WDR18: variants seen among roughly 807,000 people sequenced by gnomAD.
WDR18 encodes the protein WD repeat domain 18, also known as WD repeat-containing protein 18.
Under a neutral mutation model 49.6 loss-of-function variants are expected in WDR18, and 33 were observed. The ratio of observed to expected loss-of-function variants is 0.67; its 90% CI spans 0.50 to 0.89. WDR18 has a LOEUF of 0.89. Ranked by LOEUF, WDR18 falls within the 40% of genes least tolerant of loss-of-function variation. WDR18 has a pLI of 0.00. For synonymous variants in WDR18, 315 were observed against 263.6 expected (o/e 1.19, Z -1.89); for missense variants, 653 against 593.6 (o/e 1.10, Z -1.04).
chr19:989,706 C>G (rs1196399282), intron 2 of WDR18, 56 bp from the exon 3 acceptor site: 6 of 1,602,248 alleles, frequency 3.7e-6, no homozygotes, highest in African/African-American at 1.3e-5. Context: ...CTGCAGCCCC[C>G]CTTTCCTCCC....
intron 2 of WDR18, among the ~76,000 whole-genome samples, chr19:987,828 A>ATTTTTTTTTTTTTTTTTTTTTTTTTTTT: frequency 2.1e-5 from 1 of 47,834 alleles, no homozygotes; most frequent in East Asian, 6.3e-4. Flanking sequence ...AGCCGCCTCC[A>ATTTTTTTTTTTTTTTTTTTTTTTTTTTT]GTTTTTTTTT....
chr19:985,462 G>A (rs979435734), intron 1 of WDR18, among the ~76,000 whole-genome samples: 3 of 152,098 alleles, frequency 2.0e-5, no homozygotes, highest in African/African-American at 7.3e-5. Context: ...GAGCCACCAC[G>A]CCCGGCTGAG....
Position 984,565 on chromosome 19 carries a change from TGCG to T in WDR18, c.210+7_210+9del. ...AGCGCCTGGGAGCTCCAGCGGAAGG[TGCG>T]GCGGTGCGGTCTCGCTGCTGGGGTC... On this transcript the variant is annotated splice_donor_5th_base_variant and intron_variant, in intron 1 of 9. Coordinates refer to ENST00000585809, the MANE Select transcript of WDR18 (RefSeq NM_024100.4). 1 of 1,465,886 alleles carries T rather than the reference TGCG, an allele frequency of 6.8e-7. No individual in the cohort carries two copies. Among genetic ancestry groups the T allele is most frequent in the South Asian group, 1.4e-5 (1 of 73,794 alleles). The allele number at this position is 1,465,886 out of a possible 1,614,324, so 90.8% of individuals were successfully genotyped here.
At chr19:983,819 C>T (rs921613112), upstream of WDR18, among the ~76,000 whole-genome samples, 12 of 151,754 alleles carry the variant, frequency 7.9e-5, no homozygotes, top group African/African-American at 2.9e-4. Context: ...CTGGGAGGAT[C>T]ACTTGAGCTC....
upstream of WDR18, among the ~76,000 whole-genome samples, chr19:983,205 G>A (rs770120330): frequency 3.0e-4 from 46 of 152,204 alleles, no homozygotes; most frequent in Non-Finnish European, 5.7e-4. Context: ...CGGTTTAAGA[G>A]GCCAAGGCCT....
At chr19:984,788 T>C (rs1227432337) in intron 1 of WDR18, among the ~76,000 whole-genome samples, 3 of 85,844 alleles carry the variant, frequency 3.5e-5, no homozygotes, top group Admixed American at 1.4e-4. Flanking sequence ...TGAGCTGCTA[T>C]GGGGGCAGTG....
Position 994,103 on chromosome 19 carries a change from G to T in WDR18, c.1167+15G>T. On this transcript the variant is annotated intron_variant, in intron 9 of 9. Transcript: ENST00000585809. ...CCATGGAGAAGGTGGGCGGGGCCTCGGGAGGGGCGGGGCCTGAGGCTGGGG... is the reference window on the plus strand; with the variant it reads ...CCATGGAGAAGGTGGGCGGGGCCTCTGGAGGGGCGGGGCCTGAGGCTGGGG... The T allele has an allele frequency of 1.9e-6, 3 of 1,551,200 alleles. No individual in the cohort carries two copies. Among genetic ancestry groups the T allele is most frequent in the African/African-American group, 1.4e-5 (1 of 73,542 alleles).
At chr19:984,327 C>T (rs765777707), upstream of WDR18, 1 of 1,563,734 alleles carries the variant, frequency 6.4e-7, no homozygotes, top group East Asian at 2.5e-5. Context: ...CATGATGACG[C>T]ACGTCCGGGG....
rs375901214 is a variant in WDR18, at chr19:991,140, G to A, written c.801G>A (p.Gly267=). 6.6e-5 allele frequency: 104 copies of A among 1,572,892 alleles called. No individual in the cohort carries two copies. In the African/African-American group the frequency reaches 1.2e-3, roughly 18 times the overall value. The change falls in exon 6 of 10, where the codon GGG becomes GGA. Residue 267 remains glycine (G), a synonymous_variant. Transcript: ENST00000585809. ...AGGACGCCGGGAAGGTCTTCAAAGG[G>A]CACAGGTGGGGACGTGGGAACGGGG... The part of the protein sequence containing the change: ...PEQDAGKVFK[G]HRNQVTCLSV...
At chr19:990,816 G>C (rs1402196924) in intron 4 of WDR18, 36 bp from the exon 5 acceptor site, 1 of 1,562,020 alleles carries the variant, frequency 6.4e-7, no homozygotes, top group Non-Finnish European at 8.7e-7. Flanking sequence ...GGTTCCCCCT[G>C]CCGGGCCGAG....
Position 992,876 on chromosome 19 carries a change from C to T in WDR18, c.1098+755C>T, listed in dbSNP as rs188902754. Among the ~76,000 whole-genome samples, 440 of 152,356 alleles carry T rather than the reference C, an allele frequency of 2.9e-3. 2 individuals are homozygous for T. The highest frequency in any genetic ancestry group is 9.5e-3 in the African/African-American group (397 of 41,572). ...GTCTGTGTCCCTCGCTGGGCTCTGG[C>T]GCTTGGCACTTCTCCCCACGCGCCC... On this transcript the variant is annotated intron_variant, in intron 8 of 9. Transcript: ENST00000585809.
chr19:984,684 CCGTT>C (rs1370154967), intron 1 of WDR18, 121 bp downstream of exon 1: 3 of 1,084,146 alleles, frequency 2.8e-6, no homozygotes, highest in Non-Finnish European at 3.7e-6. Context: ...GAGGTGGTCT[CCGTT>C]CGGGCGCTCT....
chr19:983,971 G>GCGCTCTC (rs2038445722), upstream of WDR18, among the ~76,000 whole-genome samples: 1 of 152,188 alleles, frequency 6.6e-6, no homozygotes, highest in Admixed American at 6.5e-5. Flanking sequence ...GGCGCAATGT[G>GCGCTCTC]TCATTTAGGC....
At chr19:994,130 C>T in intron 9 of WDR18, 42 bp downstream of exon 9, 1 of 1,544,230 alleles carries the variant, frequency 6.5e-7, no homozygotes, top group Non-Finnish European at 8.7e-7. Context: ...AGGCTGGGGT[C>T]AGTCCTGGCC....
upstream of WDR18, chr19:984,222 C>A (rs1257180904): frequency 1.0e-6 from 1 of 963,394 alleles, no homozygotes; most frequent in Non-Finnish European, 1.5e-6. Flanking sequence ...GAAAGCCCCT[C>A]TCTCCGAGGC....
At chr19:992,391 G>A (rs1047002374) in intron 8 of WDR18, among the ~76,000 whole-genome samples, 22 of 152,226 alleles carry the variant, frequency 1.4e-4, no homozygotes, top group Admixed American at 2.6e-4. Flanking sequence ...CCTTCCTGCG[G>A]CTGGATATCT....
At position 989,714 on chromosome 19, in the gene WDR18, C is replaced by T. The variant is rs761670608; in HGVS notation, c.322-48C>T. 1.6e-5 allele frequency: 25 copies of T among 1,607,458 alleles called. No individual in the cohort carries two copies. The African/African-American group carries it at 2.7e-4, about 17-fold the overall frequency. On this transcript the variant is annotated intron_variant, in intron 2 of 9. Coordinates refer to ENST00000585809, the MANE Select transcript of WDR18 (RefSeq NM_024100.4). ...CCTGGGGCTGCAGCCCCCCTTTCCTCCCCTGGGGCTTTCCTCCCCTGACCT... is the reference window on the plus strand; with the variant it reads ...CCTGGGGCTGCAGCCCCCCTTTCCTTCCCTGGGGCTTTCCTCCCCTGACCT...
At chr19:990,720 G>A (rs946733236) in intron 4 of WDR18, 132 bp from the exon 5 acceptor site, 9 of 1,345,202 alleles carry the variant, frequency 6.7e-6, no homozygotes, top group African/African-American at 5.9e-5. Flanking sequence ...ACATGGTGAC[G>A]GCTTTCACCC....
rs1219698590 is a variant in WDR18 at position 991,143 on chromosome 19, C to CAGGTGGGG, written c.806_806+7dup. ...ACGCCGGGAAGGTCTTCAAAGGGCA[C>CAGGTGGGG]AGGTGGGGACGTGGGAACGGGGCGG... On this transcript the variant is annotated frameshift_variant and splice_region_variant, in exon 6 of 10. Transcript: ENST00000585809. LOFTEE classifies it high-confidence loss of function. 1 of 1,571,000 alleles carries CAGGTGGGG rather than the reference C, an allele frequency of 6.4e-7. No homozygotes were observed. Among genetic ancestry groups the CAGGTGGGG allele is most frequent in the Non-Finnish European group, 8.6e-7 (1 of 1,157,610 alleles).
Sources: gnomAD v4.1 joint callset for allele counts (sites outside exome capture counted in the v4.1 genomes callset) on GRCh38, gnomAD v4.1.1 for gene constraint, MANE v1.5 for transcripts, NCBI Gene and HGNC (gene_info 2026-07-23, HGNC 2026-07-21) for gene names.